ACAD9: variants seen among roughly 807,000 people sequenced by gnomAD.
ACAD9 encodes complex I assembly factor ACAD9, mitochondrial.
Under a neutral mutation model 70.2 loss-of-function variants are expected in ACAD9, and 53 were observed. That is an observed-to-expected ratio of 0.75 (90% CI 0.61 to 0.95). ACAD9 has a LOEUF of 0.95. ACAD9 is among the 40% of genes least tolerant of loss of function. The pLI, the probability that ACAD9 is intolerant of heterozygous loss-of-function variation, is 0.00. For synonymous variants in ACAD9, 313 were observed against 312.1 expected (o/e 1.00, Z -0.03); for missense variants, 777 against 802.8 (o/e 0.97, Z 0.39).
At chr3:128,891,951 G>A (rs1935433320) in intron 2 of ACAD9, among the ~76,000 whole-genome samples, 1 of 152,226 alleles carries the variant, frequency 6.6e-6, no homozygotes, top group Non-Finnish European at 1.5e-5. Flanking sequence ...CCCATACAGT[G>A]AATACTGAAC....
chr3:128,897,693 A>G lies in ACAD9; in HGVS notation c.616A>G (p.Ile206Val), dbSNP rs1215857019. The G allele has an allele frequency of 6.2e-7, 1 of 1,613,604 alleles. No individual in the cohort carries two copies. Among genetic ancestry groups the G allele is most frequent in the African/African-American group, 1.3e-5 (1 of 74,882 alleles). ...ATLSEDKKHY[I>V]LNGSKVWITN... ...ACTAAGTGAAGACAAGAAGCACTAC[A>G]TCCTCAATGGCTCCAAGGTAGGGTT... is the stretch of plus-strand genomic sequence containing the variant. The change falls in exon 6 of 18, where the codon ATC becomes GTC. Residue 206 changes from isoleucine to valine, a missense_variant. By Grantham distance (29) the Ile-to-Val change is conservative (BLOSUM62 3). Coordinates refer to ENST00000308982, the MANE Select transcript of ACAD9 (RefSeq NM_014049.5).
intron 17 of ACAD9, among the ~76,000 whole-genome samples, chr3:128,911,354 G>C (rs948706922): frequency 1.3e-5 from 2 of 149,950 alleles, no homozygotes; most frequent in Admixed American, 1.3e-4. Flanking sequence ...CACCGCACCG[G>C]GCCTGCCAAG....
At chr3:128,910,623 T>TGCCAGGCCTTGTGACCCCTGC in intron 16 of ACAD9, 118 bp from the exon 17 acceptor site, 1 of 1,101,682 alleles carries the variant, frequency 9.1e-7, no homozygotes, top group Non-Finnish European at 1.4e-6. Flanking sequence ...GTGACTCCTG[T>TGCCAGGCCTTGTGACCCCTGC]GCCAGGCCTT....
rs758324588 is a variant in ACAD9, at chr3:128,912,624, C to T, written c.*17C>T. The T allele has an allele frequency of 1.2e-6, 2 of 1,604,850 alleles. No homozygotes were observed. The highest frequency in any genetic ancestry group is 1.1e-5 in the South Asian group (1 of 90,872). ...ACATGCTGAGGCAGGGGACAGTGTCCCCTGCTACCGCCCGCCCCTACCCAT... is the reference window on the plus strand; with the variant it reads ...ACATGCTGAGGCAGGGGACAGTGTCTCCTGCTACCGCCCGCCCCTACCCAT... On this transcript the variant is annotated 3_prime_UTR_variant, in exon 18 of 18. Coordinates refer to ENST00000308982, the MANE Select transcript of ACAD9 (RefSeq NM_014049.5).
Position 128,911,659 on chromosome 3 carries a change from C to T in ACAD9, c.1765+846C>T, listed in dbSNP as rs535347801. 4.0e-5 allele frequency among the ~76,000 whole-genome samples: 6 copies of T among 151,820 alleles called. No homozygotes were observed. The South Asian group carries it at 1.2e-3, about 32-fold the overall frequency. ...GTTTCACCATGTTGGCCAAGCTGGTCTCCAACCCCTGACCTCAGGTGATCC... is the reference window on the plus strand; with the variant it reads ...GTTTCACCATGTTGGCCAAGCTGGTTTCCAACCCCTGACCTCAGGTGATCC... On this transcript the variant is annotated intron_variant, in intron 17 of 17. Coordinates refer to ENST00000308982, the MANE Select transcript of ACAD9 (RefSeq NM_014049.5).
At chr3:128,883,483 G>C (rs1436844912) in intron 1 of ACAD9, among the ~76,000 whole-genome samples, 1 of 151,896 alleles carries the variant, frequency 6.6e-6, no homozygotes, top group Non-Finnish European at 1.5e-5. Context: ...TCAGCCTCCT[G>C]AGTAGCTGGG....
At chr3:128,908,400 C>T (rs925748504) in intron 13 of ACAD9, 136 bp downstream of exon 13, 2 of 1,083,392 alleles carry the variant, frequency 1.8e-6, no homozygotes, top group Non-Finnish European at 2.8e-6. Flanking sequence ...GTGGAGGGGA[C>T]CTTCCCCTGT....
Position 128,912,738 on chromosome 3 carries a change from G to A in ACAD9, c.*131G>A, listed in dbSNP as rs776775739. ...CTTTTGTTCCCCGTCTGCACCTGAA[G>A]GGTTGTCGCCTGGCCTGGGAGAGCC... On this transcript the variant is annotated 3_prime_UTR_variant, in exon 18 of 18. Coordinates refer to ENST00000308982, the MANE Select transcript of ACAD9 (RefSeq NM_014049.5). 1.1e-6 allele frequency: 1 copy of A among 901,114 alleles called. No individual in the cohort carries two copies. The highest frequency in any genetic ancestry group is 1.3e-5 in the South Asian group (1 of 76,568). The allele number at this position is 901,114 out of a possible 1,614,324, so 55.8% of individuals were successfully genotyped here. A position where few individuals can be genotyped will look rare whatever the true frequency, so the allele number is the denominator to read the frequency against.
intron 2 of ACAD9, among the ~76,000 whole-genome samples, chr3:128,891,263 A>G (rs1000791857): frequency 9.2e-5 from 14 of 152,124 alleles, no homozygotes; most frequent in African/African-American, 3.4e-4. Flanking sequence ...TGTGGGAAGG[A>G]CTTCCTTTCA....
chr3:128,904,424 G>A lies in ACAD9; in HGVS notation c.1068G>A (p.Met356Ile), dbSNP rs1449471647. 1.2e-6 allele frequency: 2 copies of A among 1,614,222 alleles called. No homozygotes were observed. The highest frequency in any genetic ancestry group is 2.2e-5 in the South Asian group (2 of 91,088). The stretch of plus-strand genomic sequence containing the variant: ...TGATGGCTCAGAAGGCTTACGTCAT[G>A]GAGAGTATGACCTACCTCACAGCAG... The part of the protein sequence containing the change: ...FALMAQKAYV[M>I]ESMTYLTAGM... The change falls in exon 11 of 18, where the codon ATG becomes ATA. Residue 356 changes from methionine (M) to isoleucine (I), a missense_variant. Physicochemically the swap from Met to Ile is conservative, Grantham distance 10. Transcript: ENST00000308982.
chr3:128,908,545 T>TGAA, intron 13 of ACAD9: 1 of 577,432 alleles, frequency 1.7e-6, no homozygotes, highest in Non-Finnish European at 3.1e-6. Flanking sequence ...TTTCAGAACC[T>TGAA]GAAGAATGAG....
intron 8 of ACAD9, among the ~76,000 whole-genome samples, chr3:128,901,740 A>C (rs1472803870): frequency 6.6e-6 from 1 of 152,226 alleles, no homozygotes; most frequent in Non-Finnish European, 1.5e-5. Context: ...GATGATTCAT[A>C]TGACAAAGGA....
chr3:128,884,414 T>C (rs1374662556), intron 1 of ACAD9, among the ~76,000 whole-genome samples: 2 of 152,156 alleles, frequency 1.3e-5, no homozygotes, highest in Non-Finnish European at 2.9e-5. Context: ...GGAAAACTGA[T>C]GAAAATCGGG....
rs1936446988 is a variant in ACAD9, at chr3:128,912,499, C to G, written c.1766-8C>G. On this transcript the variant is annotated splice_polypyrimidine_tract_variant and splice_region_variant and intron_variant, in intron 17 of 17. Coordinates refer to ENST00000308982, the MANE Select transcript of ACAD9 (RefSeq NM_014049.5). ...AGATCACCCACCATCTCTCCTTTTC[C>G]TTCCCAGATGCTCCAGAAAACCTAG... is the stretch of plus-strand genomic sequence containing the variant. The G allele has an allele frequency of 6.2e-7, 1 of 1,612,562 alleles. No homozygotes were observed. Among genetic ancestry groups the G allele is most frequent in the African/African-American group, 1.3e-5 (1 of 74,970 alleles).
rs538875401 is a variant in ACAD9 at position 128,908,544 on chromosome 3, C to T, written c.1358+280C>T. ...CTAGAGGCAGCTGGTTTTTCAGAAC[C>T]TGAAGAATGAGAGGTGTCCCTTTAA... On this transcript the variant is annotated intron_variant, in intron 13 of 17. Coordinates refer to ENST00000308982, the MANE Select transcript of ACAD9 (RefSeq NM_014049.5). 5.2e-6 allele frequency: 3 copies of T among 578,356 alleles called. No homozygotes were observed. The African/African-American group carries it at 5.6e-5, about 11-fold the overall frequency. 35.8% of individuals were successfully genotyped at this position (578,356 alleles called of 1,614,324 possible).
intron 3 of ACAD9, among the ~76,000 whole-genome samples, 199 bp from the exon 4 acceptor site, chr3:128,895,111 A>G (rs1326642403): frequency 6.6e-6 from 1 of 151,284 alleles, no homozygotes; most frequent in Non-Finnish European, 1.5e-5. Flanking sequence ...TGTTGACCTC[A>G]GGTGATCTGC....
intron 13 of ACAD9, 21 bp downstream of exon 13, chr3:128,908,285 GTGC>G (rs771937149): frequency 4.3e-6 from 7 of 1,613,870 alleles, no homozygotes; most frequent in Non-Finnish European, 1.7e-6. Flanking sequence ...TTGTCACCGT[GTGC>G]TTCTCAGGTC....
At chr3:128,911,368 AT>A (rs1247927301) in intron 17 of ACAD9, among the ~76,000 whole-genome samples, 3 of 151,138 alleles carry the variant, frequency 2.0e-5, no homozygotes, top group African/African-American at 7.3e-5. Context: ...TGCCAAGGCA[AT>A]TTTAGATTGA....
At chr3:128,899,710 C>G (rs1360837826) in intron 7 of ACAD9, among the ~76,000 whole-genome samples, 1 of 152,258 alleles carries the variant, frequency 6.6e-6, no homozygotes, top group African/African-American at 2.4e-5. Flanking sequence ...GTGCTGCTCA[C>G]TTGAAGGCCT....
Sources: gnomAD v4.1 joint callset for allele counts (sites outside exome capture counted in the v4.1 genomes callset) on GRCh38, gnomAD v4.1.1 for gene constraint, MANE v1.5 for transcripts, NCBI Gene and HGNC (gene_info 2026-07-23, HGNC 2026-07-21) for gene names.